The following NFU1 variants were observed in gnomAD, a reference collection of about 807,000 sequenced individuals.
The protein encoded by NFU1 is NFU1 iron-sulfur cluster scaffold homolog, mitochondrial.
In NFU1, 30 loss-of-function variants were observed where a neutral mutation model predicts 32.2. The observed-to-expected ratio is 0.93, with a 90% CI of 0.70 to 1.26. The LOEUF is 1.26. Among genes scored for constraint, NFU1 ranks in the 50% most tolerant of loss-of-function variants. The probability of loss-of-function intolerance (pLI) is 0.00; values close to 1 mark genes in which losing one functional copy is unlikely to be tolerated. For synonymous variants in NFU1, 112 were observed against 104.6 expected, an observed-to-expected ratio of 1.07 and a Z score of -0.43; for missense variants, 306 against 306.6, an observed-to-expected ratio of 1.00 and a Z score of 0.02.
intron 5 of NFU1, among the ~76,000 whole-genome samples, chr2:69,413,333 AC>A (rs1672950912): frequency 3.4e-5 from 3 of 88,314 alleles, no homozygotes; most frequent in African/African-American, 2.4e-4. Context: ...TACCCAACAT[AC>A]GGGTAAAAAA....
intron 5 of NFU1, among the ~76,000 whole-genome samples, chr2:69,409,282 T>C (rs1672804138): frequency 6.6e-6 from 1 of 152,244 alleles, no homozygotes; most frequent in Non-Finnish European, 1.5e-5. Flanking sequence ...TAAATGTACA[T>C]ACATTTGAAT....
chr2:69,396,406 C>T (rs1672333639), intron 7 of NFU1, 116 bp from the exon 8 acceptor site: 4 of 702,290 alleles, frequency 5.7e-6, no homozygotes, highest in Non-Finnish European at 9.7e-6. Context: ...GCATGACAAG[C>T]CAGTAAGAAT....
At chr2:69,410,425 G>A (rs1476501552) in intron 5 of NFU1, among the ~76,000 whole-genome samples, 1 of 152,094 alleles carries the variant, frequency 6.6e-6, no homozygotes, top group Non-Finnish European at 1.5e-5. Flanking sequence ...GCAGCACAGT[G>A]TAGTGGTTAA....
At chr2:69,408,734 T>TATA (rs1672781178) in intron 5 of NFU1, among the ~76,000 whole-genome samples, 6 of 136,426 alleles carry the variant, frequency 4.4e-5, no homozygotes, top group African/African-American at 1.5e-4. Flanking sequence ...ATATAAAATT[T>TATA]TATATATATA....
intron 4 of NFU1, among the ~76,000 whole-genome samples, chr2:69,418,776 T>G (rs1673144873): frequency 1.3e-5 from 2 of 152,010 alleles, no homozygotes; most frequent in Admixed American, 1.3e-4. Flanking sequence ...GCCCCCAGTA[T>G]GTCCACTTTT....
At chr2:69,437,915 C>T (rs919633058), upstream of NFU1, among the ~76,000 whole-genome samples, 1 of 152,204 alleles carries the variant, frequency 6.6e-6, no homozygotes, top group African/African-American at 2.4e-5. Context: ...CTAACCCTTC[C>T]TCATAGCTGT....
intron 1 of NFU1, among the ~76,000 whole-genome samples, chr2:69,435,830 G>A (rs1673812540): frequency 6.6e-6 from 1 of 151,978 alleles, no homozygotes; most frequent in African/African-American, 2.4e-5. Context: ...TTGGCTCACT[G>A]CAACCTCCAC....
chr2:69,433,219 C>T (rs962957757), intron 1 of NFU1, among the ~76,000 whole-genome samples: 9 of 151,318 alleles, frequency 5.9e-5, no homozygotes, highest in African/African-American at 9.7e-5. Flanking sequence ...CTGTTGTTGG[C>T]CCAGGCTGGA....
At chr2:69,426,200 G>A (rs531009602) in intron 2 of NFU1, among the ~76,000 whole-genome samples, 2 of 152,112 alleles carry the variant, frequency 1.3e-5, no homozygotes, top group South Asian at 4.2e-4. Context: ...TTGAACTCCT[G>A]GCCTCAGGCG....
chr2:69,424,198 A>AAAATATATAT (rs1558840147), intron 2 of NFU1, among the ~76,000 whole-genome samples: 8 of 74,530 alleles, frequency 1.1e-4, no homozygotes, highest in African/African-American at 3.7e-4. Context: ...AAAAAAAAAA[A>AAAATATATAT]ATATATATAT....
chr2:69,409,730 A>G (rs950285643), intron 5 of NFU1, among the ~76,000 whole-genome samples: 3 of 152,142 alleles, frequency 2.0e-5, no homozygotes, highest in Non-Finnish European at 4.4e-5. Context: ...CTTAGCACTC[A>G]GCTCTCAAAA....
upstream of NFU1, among the ~76,000 whole-genome samples, chr2:69,438,741 G>A (rs551568990): frequency 2.9e-4 from 44 of 152,200 alleles, no homozygotes; most frequent in African/African-American, 1.1e-3. Flanking sequence ...CTAAGAGGGT[G>A]GGTGGGTTTC....
chr2:69,415,847 G>T (rs961325551), intron 4 of NFU1, among the ~76,000 whole-genome samples: 6 of 151,986 alleles, frequency 3.9e-5, no homozygotes, highest in African/African-American at 1.2e-4. Flanking sequence ...AGCTTTTCCT[G>T]GTCAGGTGTG....
chr2:69,439,423 C>A (rs967498840), upstream of NFU1, among the ~76,000 whole-genome samples: 2 of 152,176 alleles, frequency 1.3e-5, no homozygotes, highest in Non-Finnish European at 2.9e-5. Context: ...TCACTGACTT[C>A]AGGAGTGAAG....
chr2:69,432,400 C>T (rs955895483), intron 1 of NFU1, among the ~76,000 whole-genome samples: 1 of 152,070 alleles, frequency 6.6e-6, no homozygotes, highest in Non-Finnish European at 1.5e-5. Flanking sequence ...CATGGAGAAA[C>T]CCCATCTCTA....
upstream of NFU1, chr2:69,437,534 G>C: frequency 7.4e-7 from 1 of 1,354,610 alleles, no homozygotes; most frequent in Non-Finnish European, 1.0e-6. Flanking sequence ...TACCGGCTGC[G>C]GGCGGTCCTG....
intron 5 of NFU1, among the ~76,000 whole-genome samples, chr2:69,414,322 T>C (rs1340623066): frequency 2.0e-5 from 3 of 152,060 alleles, no homozygotes; most frequent in Non-Finnish European, 4.4e-5. Flanking sequence ...TGCAGTATAA[T>C]ACAAGATATT....
At chr2:69,424,036 G>A (rs1358879522) in intron 2 of NFU1, among the ~76,000 whole-genome samples, 1 of 151,310 alleles carries the variant, frequency 6.6e-6, no homozygotes. Context: ...AGCCAGGCGT[G>A]GTGGCGGGTG....
chr2:69,423,598 G>C lies in NFU1; in HGVS notation c.286C>G (p.Arg96Gly). The C allele has an allele frequency of 6.2e-7, 1 of 1,613,514 alleles. No individual in the cohort carries two copies. The highest frequency in any genetic ancestry group is 8.5e-7 in the Non-Finnish European group (1 of 1,179,834). ...GTAATATACCTAGCCAGAGGGGAGC[G>C]AAATGCTGCAGCTGGGGTGGGAAAA... ...MDFPTPAAAF[R>G]SPLARQLFRI... Residue 96 changes from arginine to glycine, a missense_variant, in exon 3 of 8, where the codon CGC becomes GGC. Arg to Gly is a moderately radical substitution (Grantham distance 125). Coordinates refer to ENST00000410022, the MANE Select transcript of NFU1 (RefSeq NM_001002755.4).
Sources: gnomAD v4.1 joint callset for allele counts (sites outside exome capture counted in the v4.1 genomes callset) on GRCh38, gnomAD v4.1.1 for gene constraint, MANE v1.5 for transcripts, NCBI Gene and HGNC (gene_info 2026-07-23, HGNC 2026-07-21) for gene names.